The following FRMPD4 variants were observed in gnomAD, a reference collection of about 807,000 sequenced individuals.
FRMPD4 encodes FERM and PDZ domain-containing protein 4.
Under a neutral mutation model 94.1 loss-of-function variants are expected in FRMPD4, and 22 were observed. The observed-to-expected ratio is 0.23, with a 90% CI of 0.17 to 0.33. The LOEUF (loss-of-function observed/expected upper bound fraction) is 0.33, where lower values mean the gene tolerates loss of function less well. Among genes scored for constraint, FRMPD4 ranks in the 10% least tolerant of loss-of-function variants. FRMPD4 has a pLI of 1.00. For synonymous variants in FRMPD4, 631 were observed against 548.6 expected (o/e 1.15, Z -2.10); for missense variants, 1,111 against 1,339.9 (o/e 0.83, Z 2.67).
chrX:12,118,793 C>A (rs187640551), intron 3 of FRMPD4, among the ~76,000 whole-genome samples: 4 of 112,258 alleles, frequency 3.6e-5, no homozygotes, highest in African/African-American at 1.3e-4. Context: ...AATCAAAATG[C>A]AGCCAAGCTT....
chrX:12,503,707 T>G (rs189022434), intron 2 of FRMPD4, among the ~76,000 whole-genome samples: 14 of 112,330 alleles, frequency 1.2e-4, no homozygotes, highest in African/African-American at 4.5e-4. Flanking sequence ...TCTGTCATCA[T>G]GGAAATTAGA....
In FRMPD4 at chrX:12,723,340, C is replaced by T; in HGVS notation, c.*1482C>T. On this transcript the variant is annotated 3_prime_UTR_variant, in exon 17 of 17. Transcript: ENST00000675598. The stretch of plus-strand genomic sequence containing the variant: ...TCCTTAAGAACATGATGGGAGTACA[C>T]CAGGTGCAAATATTTCTACTTTTGT... 1 of 110,989 alleles carries T rather than the reference C, an allele frequency of 9.0e-6. No homozygotes were observed. The highest frequency in any genetic ancestry group is 4.7e-3 in the Middle Eastern group (1 of 215). The allele number at this position is 110,989 out of a possible 1,213,427, so 9.1% of individuals were successfully genotyped here. A position where few individuals can be genotyped will look rare whatever the true frequency, so the allele number is the denominator to read the frequency against.
rs191444169 is a variant in FRMPD4, at chrX:12,513,991, A to G, written c.158+15195A>G. Among the ~76,000 whole-genome samples, 68 of 110,863 alleles carry G rather than the reference A, an allele frequency of 6.1e-4. 1 individual carries two copies. In the East Asian group the frequency reaches 0.018, roughly 29 times the overall value. ...TCTCTTTGTAGCAATCGTGAATGGG[A>G]CTTCATTCATGGTTTGGCTCTCTGC... On this transcript the variant is annotated intron_variant, in intron 2 of 16. Coordinates refer to ENST00000675598, the MANE Select transcript of FRMPD4 (RefSeq NM_001368397.1).
chrX:11,832,372 T>G (rs2053480103), intron 1 of FRMPD4, among the ~76,000 whole-genome samples: 1 of 111,237 alleles, frequency 9.0e-6, no homozygotes, highest in African/African-American at 3.3e-5. Flanking sequence ...ATTGAAAGAG[T>G]TAATCAAAGA....
At chrX:12,262,098 C>T (rs1005607793) in intron 1 of FRMPD4, among the ~76,000 whole-genome samples, 2 of 110,850 alleles carry the variant, frequency 1.8e-5, no homozygotes, top group African/African-American at 6.6e-5. Context: ...GCCCACTGAC[C>T]AAATCTTGTC....
At chrX:12,246,989 A>G (rs911362064) in intron 1 of FRMPD4, among the ~76,000 whole-genome samples, 5 of 111,940 alleles carry the variant, frequency 4.5e-5, no homozygotes, top group African/African-American at 1.3e-4. Flanking sequence ...TAAACCAGCA[A>G]TTGGTGCCAG....
intron 3 of FRMPD4, among the ~76,000 whole-genome samples, chrX:12,092,734 G>C (rs1390145074): frequency 1.8e-5 from 2 of 111,769 alleles, no homozygotes; most frequent in African/African-American, 6.5e-5. Context: ...GCCCCATGCT[G>C]CATGCCTGTC....
intron 4 of FRMPD4, among the ~76,000 whole-genome samples, chrX:12,652,818 G>A (rs768709482): frequency 1.5e-4 from 17 of 111,462 alleles, no homozygotes; most frequent in Non-Finnish European, 3.2e-4. Context: ...GAGCAAGCAG[G>A]AACAGGTGGC....
chrX:12,434,678 G>C (rs1217591436), intron 1 of FRMPD4, among the ~76,000 whole-genome samples: 1 of 112,066 alleles, frequency 8.9e-6, no homozygotes, highest in Non-Finnish European at 1.9e-5. Flanking sequence ...AGGAATGATG[G>C]GAGGGACTTA....
intron 1 of FRMPD4, among the ~76,000 whole-genome samples, chrX:12,367,451 G>A (rs1046853645): frequency 3.6e-5 from 4 of 112,268 alleles, no homozygotes; most frequent in Admixed American, 9.4e-5. Context: ...CTTGAGTTGC[G>A]CAATGAACCA....
intron 1 of FRMPD4, among the ~76,000 whole-genome samples, chrX:12,238,218 G>A (rs1376806304): frequency 1.8e-5 from 2 of 111,634 alleles, no homozygotes; most frequent in African/African-American, 3.3e-5. Flanking sequence ...TCCGCTTCCC[G>A]GGTTCAAGCA....
At chrX:12,252,341 A>G (rs2054052978) in intron 1 of FRMPD4, among the ~76,000 whole-genome samples, 1 of 111,881 alleles carries the variant, frequency 8.9e-6, no homozygotes. Context: ...AACTCCAAGT[A>G]TAAAAATAGA....
At chrX:12,294,818 C>T (rs1330919219) in intron 1 of FRMPD4, among the ~76,000 whole-genome samples, 1 of 111,427 alleles carries the variant, frequency 9.0e-6, no homozygotes, top group Non-Finnish European at 1.9e-5. Flanking sequence ...GGCGATAGCG[C>T]TGATCAAGGA....
intron 3 of FRMPD4, among the ~76,000 whole-genome samples, chrX:12,043,092 A>G (rs1316037246): frequency 1.8e-5 from 2 of 111,405 alleles, no homozygotes; most frequent in African/African-American, 6.5e-5. Context: ...TTTTCTGTTT[A>G]TTGTTTGCCT....
rs905670537 is a variant in FRMPD4 at position 11,954,613 on chromosome X, C to T, written c.95+76595C>T. ...GGGAAAAAGGTTAATTTTTCAAATACCACATTTTTTTAGTGCTGTGGTACA... is the reference window on the plus strand; with the variant it reads ...GGGAAAAAGGTTAATTTTTCAAATATCACATTTTTTTAGTGCTGTGGTACA... On this transcript the variant is annotated intron_variant, in intron 3 of 18. Transcript: ENST00000640291. Among the ~76,000 whole-genome samples the T allele has an allele frequency of 8.1e-5, 9 of 111,753 alleles. No homozygotes were observed. The East Asian group carries it at 2.0e-3, about 24-fold the overall frequency.
intron 4 of FRMPD4, among the ~76,000 whole-genome samples, chrX:12,642,753 A>T (rs2059511592): frequency 8.9e-6 from 1 of 112,321 alleles, no homozygotes; most frequent in South Asian, 3.7e-4. Context: ...AATACAAAAA[A>T]TTAGCAGCGT....
At chrX:12,445,934 TCA>T (rs1421026510) in intron 1 of FRMPD4, among the ~76,000 whole-genome samples, 1 of 112,918 alleles carries the variant, frequency 8.9e-6, no homozygotes. Flanking sequence ...TGTGCAGGTC[TCA>T]CATGTTCTTG....
intron 1 of FRMPD4, among the ~76,000 whole-genome samples, chrX:12,484,531 G>T (rs1232105715): frequency 8.9e-6 from 1 of 111,916 alleles, no homozygotes; most frequent in Non-Finnish European, 1.9e-5. Context: ...CTTTTGTTTT[G>T]CTGCCAAAAG....
At chrX:12,592,713 C>G (rs192329809) in intron 2 of FRMPD4, among the ~76,000 whole-genome samples, 1 of 111,791 alleles carries the variant, frequency 8.9e-6, no homozygotes, top group Admixed American at 9.4e-5. Context: ...ATAACCATTA[C>G]GATGTCTTTC....
Sources: allele counts gnomAD v4.1 joint callset (sites outside exome capture counted in the v4.1 genomes callset), GRCh38; gene constraint gnomAD v4.1.1; transcripts MANE v1.5; gene names NCBI Gene and HGNC (gene_info 2026-07-23, HGNC 2026-07-21).